Variants in PKNOX1 observed in about 807,000 individuals in gnomAD.
PKNOX1 encodes the protein PBX/knotted 1 homeobox 1.
PKNOX1 carries 15 observed loss-of-function variants against 51.9 expected under a neutral mutation model. The ratio of observed to expected loss-of-function variants is 0.29; its 90% confidence interval spans 0.19 to 0.45. The LOEUF (loss-of-function observed/expected upper bound fraction) is 0.45. PKNOX1 is among the 20% of genes least tolerant of loss of function. The pLI, the probability that PKNOX1 is intolerant of heterozygous loss-of-function variation, is 1.00. For missense variants in PKNOX1, 462 were observed against 547.5 expected, an observed-to-expected ratio of 0.84 and a Z score of 1.56; for synonymous variants, 219 against 211.1, an observed-to-expected ratio of 1.04 and a Z score of -0.32.
intron 5 of PKNOX1, among the ~76,000 whole-genome samples, chr21:43,015,247 A>G (rs1397230579): frequency 1.3e-5 from 2 of 152,232 alleles, no homozygotes. Context: ...CTCTTTATCA[A>G]GTTAAGGAGG....
chr21:43,005,256 T>A (rs1207936077), intron 2 of PKNOX1, among the ~76,000 whole-genome samples: 1 of 152,090 alleles, frequency 6.6e-6, no homozygotes, highest in African/African-American at 2.4e-5. Flanking sequence ...CCTCGAGGAC[T>A]TCGGTGGCAA....
chr21:43,028,282 C>T (rs761976069), intron 9 of PKNOX1, among the ~76,000 whole-genome samples: 4 of 152,204 alleles, frequency 2.6e-5, no homozygotes, highest in Admixed American at 6.5e-5. Flanking sequence ...GACGTCCAGA[C>T]GAGTGCAGAC....
At position 42,997,855 on chromosome 21, in the gene PKNOX1, G is replaced by A. The variant is rs59845568; in HGVS notation, c.-56-6471G>A. ...GGGTGGGAGAGAACCTGGCATGCTG[G>A]GGAAGCTAAATGTGGCGATTGGTTT... On this transcript the variant is annotated intron_variant, in intron 1 of 10. Coordinates refer to ENST00000291547, the MANE Select transcript of PKNOX1 (RefSeq NM_004571.5). 4.1e-3 allele frequency among the ~76,000 whole-genome samples: 620 copies of A among 152,304 alleles called. 4 individuals carry two copies. The highest frequency in any genetic ancestry group is 0.014 in the African/African-American group (588 of 41,554).
chr21:43,009,385 T>G (rs1403949675), intron 3 of PKNOX1, among the ~76,000 whole-genome samples: 2 of 151,832 alleles, frequency 1.3e-5, no homozygotes, highest in Non-Finnish European at 2.9e-5. Flanking sequence ...GCGGAGGTTG[T>G]GGTGAACCGA....
At position 42,991,508 on chromosome 21, in the gene PKNOX1, T is replaced by C. The variant is rs1023030403; in HGVS notation, c.-56-12818T>C. 5.3e-5 allele frequency among the ~76,000 whole-genome samples: 8 copies of C among 152,180 alleles called. No homozygotes were observed. In the South Asian group the frequency reaches 6.2e-4, roughly 12 times the overall value. On this transcript the variant is annotated intron_variant, in intron 1 of 10. Coordinates refer to ENST00000291547, the MANE Select transcript of PKNOX1 (RefSeq NM_004571.5). ...TTGGGAGATCGAGGCAGTAGGATCA[T>C]GAGGTCAGGAGATTGAGACCATCCT...
chr21:43,022,375 G>A (rs1979801216), intron 8 of PKNOX1, among the ~76,000 whole-genome samples: 3 of 152,206 alleles, frequency 2.0e-5, no homozygotes, highest in Non-Finnish European at 1.5e-5. Context: ...TCGCCATTTC[G>A]CGGCCCACTT....
chr21:42,974,700 G>A, intron 1 of PKNOX1, 36 bp downstream of exon 1: 1 of 165,982 alleles, frequency 6.0e-6, no homozygotes, highest in Non-Finnish European at 1.2e-5. Flanking sequence ...CGCCGCCGCC[G>A]CCGCTCTCGC....
intron 7 of PKNOX1, among the ~76,000 whole-genome samples, 172 bp downstream of exon 7, chr21:43,018,402 G>A (rs1055893578): frequency 7.4e-5 from 11 of 148,210 alleles, no homozygotes; most frequent in African/African-American, 2.3e-4. Context: ...CTCTCGCATT[G>A]TAGAGAATTT....
intron 1 of PKNOX1, among the ~76,000 whole-genome samples, chr21:43,002,417 TA>T: frequency 9.1e-6 from 1 of 110,312 alleles, no homozygotes; most frequent in Middle Eastern, 5.8e-3. Flanking sequence ...CCCTCCCTTG[TA>T]TCCACAACTT....
chr21:43,002,505 G>A (rs990552044), intron 1 of PKNOX1, among the ~76,000 whole-genome samples: 5 of 149,030 alleles, frequency 3.4e-5, no homozygotes, highest in African/African-American at 5.0e-5. Flanking sequence ...CCAGAATGAC[G>A]CTGTTGAGGG....
At chr21:42,999,853 G>A (rs1166114150) in intron 1 of PKNOX1, among the ~76,000 whole-genome samples, 11 of 152,004 alleles carry the variant, frequency 7.2e-5, no homozygotes, top group South Asian at 2.1e-4. Flanking sequence ...TTATAAAACC[G>A]AATGCTTTCA....
At chr21:43,029,391 A>G (rs1601307126) in intron 10 of PKNOX1, among the ~76,000 whole-genome samples, 1 of 130,840 alleles carries the variant, frequency 7.6e-6, no homozygotes, top group Non-Finnish European at 1.7e-5. Context: ...TTTTGTGTGC[A>G]TGTGTTTTTA....
intron 1 of PKNOX1, chr21:43,004,125 T>A (rs1358228147): frequency 6.0e-6 from 2 of 333,700 alleles, no homozygotes; most frequent in Non-Finnish European, 1.2e-5. Flanking sequence ...TAATCCCAGC[T>A]ACTAGGGAGG....
At chr21:43,011,948 G>A (rs535648394) in intron 4 of PKNOX1, among the ~76,000 whole-genome samples, 1 of 152,270 alleles carries the variant, frequency 6.6e-6, no homozygotes, top group Non-Finnish European at 1.5e-5. Flanking sequence ...CCCACACCTG[G>A]CTTGGCCCAG....
intron 7 of PKNOX1, among the ~76,000 whole-genome samples, chr21:43,018,600 G>A (rs1195465760): frequency 6.6e-6 from 1 of 150,896 alleles, no homozygotes; most frequent in Non-Finnish European, 1.5e-5. Context: ...CACTCCCCAG[G>A]GTCCCCACAA....
At chr21:43,000,806 T>G (rs117891659) in intron 1 of PKNOX1, among the ~76,000 whole-genome samples, 1 of 152,186 alleles carries the variant, frequency 6.6e-6, no homozygotes, top group East Asian at 1.9e-4. Context: ...TCTCTTGAGT[T>G]CAGGAAGTCG....
chr21:43,029,964 A>T lies in PKNOX1; in HGVS notation c.1174A>T (p.Thr392Ser), dbSNP rs753535518. The T allele has an allele frequency of 5.6e-6, 9 of 1,614,136 alleles. No individual in the cohort carries two copies. The stretch of plus-strand genomic sequence containing the variant: ...TCAGTCTCTGTCCTCGGACGGGGCC[A>T]CCCTGGCGGTGCAGCAGGTCATGAT... ...SLQSLSSDGA[T>S]LAVQQVMMAG... is the part of the protein sequence containing the mutation. Residue 392 changes from threonine to serine, a missense_variant, in exon 11 of 11, where the codon ACC (threonine) becomes TCC (serine). This residue lies in a region of PKNOX1 where 118 missense variants were observed against 116.8 expected (regional missense o/e 1.01). Coordinates refer to ENST00000291547, the MANE Select transcript of PKNOX1 (RefSeq NM_004571.5).
chr21:43,004,479 A>G (rs754054222), intron 2 of PKNOX1, 47 bp downstream of exon 2: 13 of 1,288,100 alleles, frequency 1.0e-5, no homozygotes, highest in Non-Finnish European at 1.4e-5. Context: ...TCAACCTGGC[A>G]CTCAAGCATG....
intron 1 of PKNOX1, among the ~76,000 whole-genome samples, chr21:43,000,467 T>C (rs1207700107): frequency 6.6e-6 from 1 of 152,196 alleles, no homozygotes; most frequent in Admixed American, 6.5e-5. Flanking sequence ...AATTCCTCTT[T>C]TTAAAACCAT....
Sources: gnomAD v4.1 joint callset for allele counts (sites outside exome capture counted in the v4.1 genomes callset) on GRCh38, gnomAD v4.1.1 for gene constraint, gnomAD v4.1.1 regional missense constraint, MANE v1.5 for transcripts, NCBI Gene and HGNC (gene_info 2026-07-23, HGNC 2026-07-21) for gene names.